Variants in AGMO observed in about 807,000 individuals in gnomAD.
AGMO encodes the protein glyceryl-ether monooxygenase.
A neutral mutation model predicts 60.2 loss-of-function variants in AGMO; 75 were observed. The observed-to-expected ratio is 1.25, with a 90% CI of 1.03 to 1.51. AGMO has a LOEUF of 1.51. Among genes scored for constraint, AGMO ranks in the 40% most tolerant of loss-of-function variants. The pLI is 0.00. For synonymous variants in AGMO, 261 were observed against 177.1 expected, an observed-to-expected ratio of 1.47 and a Z score of -3.76; for missense variants, 763 against 525.5, an observed-to-expected ratio of 1.45 and a Z score of -4.42.
At chr7:15,289,233 T>C (rs1376258032) in intron 12 of AGMO, among the ~76,000 whole-genome samples, 1 of 151,920 alleles carries the variant, frequency 6.6e-6, no homozygotes, top group Non-Finnish European at 1.5e-5. Flanking sequence ...AAGGACGTTA[T>C]TTTTAAGTTT....
chr7:15,298,233 G>C (rs996142387), intron 12 of AGMO, among the ~76,000 whole-genome samples: 1 of 152,118 alleles, frequency 6.6e-6, no homozygotes, highest in African/African-American at 2.4e-5. Context: ...AATGCAGTAA[G>C]AATATTTAAT....
intron 12 of AGMO, among the ~76,000 whole-genome samples, chr7:15,352,804 G>C (rs1163702628): frequency 6.6e-6 from 1 of 151,834 alleles, no homozygotes; most frequent in Non-Finnish European, 1.5e-5. Flanking sequence ...TCCACTTACA[G>C]ATCTTCACCT....
intron 5 of AGMO, among the ~76,000 whole-genome samples, chr7:15,397,349 G>C (rs557712914): frequency 6.6e-6 from 1 of 151,876 alleles, no homozygotes; most frequent in African/African-American, 2.4e-5. Flanking sequence ...CGGCCCGCGA[G>C]CGCCTCGCGC....
In AGMO at chr7:15,214,615, A is replaced by G. The variant is rs114165931; in HGVS notation, c.1264-13256T>C. Among the ~76,000 whole-genome samples the G allele has an allele frequency of 2.5e-3, 379 of 152,134 alleles. 1 individual carries two copies. Among genetic ancestry groups the G allele is most frequent in the African/African-American group, 8.9e-3 (370 of 41,528 alleles). On this transcript the variant is annotated intron_variant, in intron 12 of 12. Coordinates refer to ENST00000342526, the MANE Select transcript of AGMO (RefSeq NM_001004320.2). ...ATCCTACCTTTGGGTCAAAGGGAAA[A>G]GAGCAGAGGAAAAAAATGGATGAGG...
At chr7:15,558,541 T>C (rs1008095236) in intron 2 of AGMO, among the ~76,000 whole-genome samples, 3 of 152,052 alleles carry the variant, frequency 2.0e-5, no homozygotes, top group African/African-American at 4.8e-5. Context: ...AGGGGACAAG[T>C]ATTATAATAA....
At chr7:15,542,166 T>G (rs1408931944) in intron 3 of AGMO, among the ~76,000 whole-genome samples, 1 of 152,186 alleles carries the variant, frequency 6.6e-6, no homozygotes, top group Non-Finnish European at 1.5e-5. Context: ...AATTTAAAAA[T>G]TAAGCATTAT....
At chr7:15,339,066 G>A (rs559129740) in intron 12 of AGMO, among the ~76,000 whole-genome samples, 22 of 152,202 alleles carry the variant, frequency 1.4e-4, no homozygotes, top group East Asian at 7.7e-4. Context: ...CTGTAGTAGC[G>A]GAACTGCAAG....
chr7:15,393,042 C>G (rs142141355), intron 6 of AGMO, among the ~76,000 whole-genome samples: 1 of 152,308 alleles, frequency 6.6e-6, no homozygotes, highest in African/African-American at 2.4e-5. Context: ...ATGATTTCTA[C>G]TGAACATGGA....
intron 12 of AGMO, among the ~76,000 whole-genome samples, chr7:15,264,820 T>C (rs1168296631): frequency 2.0e-5 from 3 of 152,138 alleles, no homozygotes; most frequent in Non-Finnish European, 2.9e-5. Flanking sequence ...GAAACACTTA[T>C]ACCTTGTTGG....
chr7:15,507,073 G>T lies in AGMO; in HGVS notation c.409+37699C>A, dbSNP rs138753563. 2.8e-3 allele frequency among the ~76,000 whole-genome samples: 429 copies of T among 152,064 alleles called. 3 individuals are homozygous for T. Among genetic ancestry groups the T allele is most frequent in the Non-Finnish European group, 4.2e-3 (284 of 67,944 alleles). On this transcript the variant is annotated intron_variant, in intron 3 of 12. Coordinates refer to ENST00000342526, the MANE Select transcript of AGMO (RefSeq NM_001004320.2). ...AAAAAGAAACAAAGAAAAAGGAAAG[G>T]AATAACATATTTATGATAGTTAAGG...
intron 12 of AGMO, among the ~76,000 whole-genome samples, chr7:15,327,926 G>A (rs181357309): frequency 1.7e-3 from 252 of 149,878 alleles, no homozygotes; most frequent in African/African-American, 4.2e-3. Flanking sequence ...CCATGTTGCC[G>A]GGCTAATTTA....
chr7:15,437,130 C>G lies in AGMO; in HGVS notation c.410-6022G>C, dbSNP rs182578225. Among the ~76,000 whole-genome samples, 744 of 152,124 alleles carry G rather than the reference C, an allele frequency of 4.9e-3. 5 individuals are homozygous for G. The highest frequency in any genetic ancestry group is 0.031 in the Middle Eastern group (9 of 292). On this transcript the variant is annotated intron_variant, in intron 3 of 12. Coordinates refer to ENST00000342526, the MANE Select transcript of AGMO (RefSeq NM_001004320.2). ...CAGACTCAAGCTACCAAACTAAAGTCTAACTAAAAAATATAATAGCCCATG... is the reference window on the plus strand; with the variant it reads ...CAGACTCAAGCTACCAAACTAAAGTGTAACTAAAAAATATAATAGCCCATG...
intron 12 of AGMO, among the ~76,000 whole-genome samples, chr7:15,275,434 T>C (rs569861073): frequency 1.4e-4 from 22 of 152,152 alleles, no homozygotes; most frequent in Non-Finnish European, 2.8e-4. Context: ...TTTTAATTGA[T>C]TGAGATTTGC....
Position 15,322,536 on chromosome 7 carries a change from A to G in AGMO, c.1263+42978T>C, listed in dbSNP as rs868830218. Among the ~76,000 whole-genome samples the G allele has an allele frequency of 6.3e-4, 43 of 68,010 alleles. 1 individual carries two copies. The highest frequency in any genetic ancestry group is 3.7e-3 in the African/African-American group (42 of 11,266). 44.6% of individuals were successfully genotyped at this position (68,010 alleles called of 152,430 possible). On this transcript the variant is annotated intron_variant, in intron 12 of 12. Coordinates refer to ENST00000342526, the MANE Select transcript of AGMO (RefSeq NM_001004320.2). ...TATATAAATATATATAAATATATAA[A>G]TATATATATAAATATATATAAATAT...
At chr7:15,370,451 C>G (rs1783163409) in intron 10 of AGMO, among the ~76,000 whole-genome samples, 1 of 152,126 alleles carries the variant, frequency 6.6e-6, no homozygotes, top group African/African-American at 2.4e-5. Context: ...GTTCTAAGTT[C>G]TTTGAGAAAT....
chr7:15,221,492 T>C (rs1184937875), intron 12 of AGMO, among the ~76,000 whole-genome samples: 1 of 152,164 alleles, frequency 6.6e-6, no homozygotes, highest in Admixed American at 6.6e-5. Flanking sequence ...CAAAGGGCAA[T>C]AGTGGTGACT....
At chr7:15,394,323 T>G (rs1784280814) in intron 5 of AGMO, 144 bp from the exon 6 acceptor site, 1 of 652,732 alleles carries the variant, frequency 1.5e-6, no homozygotes, top group Admixed American at 2.8e-5. Context: ...AAAGTTCCAC[T>G]GAAATCTGGA....
At chr7:15,210,579 G>T (rs190127661) in intron 12 of AGMO, among the ~76,000 whole-genome samples, 37 of 152,092 alleles carry the variant, frequency 2.4e-4, no homozygotes, top group African/African-American at 8.9e-4. Flanking sequence ...TTACCTAAAG[G>T]AATTGGAGCT....
chr7:15,228,577 G>A lies in AGMO; in HGVS notation c.1264-27218C>T, dbSNP rs536427527. Among the ~76,000 whole-genome samples, 4 of 152,042 alleles carry A rather than the reference G, an allele frequency of 2.6e-5. No individual in the cohort carries two copies. In the East Asian group the frequency reaches 7.7e-4, roughly 29 times the overall value. On this transcript the variant is annotated intron_variant, in intron 12 of 12. Coordinates refer to ENST00000342526, the MANE Select transcript of AGMO (RefSeq NM_001004320.2). ...GGCAGAATCACATATTGCAAATGCA[G>A]GACAGAAAAGTGAAAGAGCAAGTCA... is the stretch of plus-strand genomic sequence containing the variant.
Sources: allele counts gnomAD v4.1 joint callset (sites outside exome capture counted in the v4.1 genomes callset), GRCh38; gene constraint gnomAD v4.1.1; transcripts MANE v1.5; gene names NCBI Gene and HGNC (gene_info 2026-07-23, HGNC 2026-07-21).